The following ARL6 variants were observed in gnomAD, a reference collection of about 807,000 sequenced individuals.
ARL6 encodes ARF like GTPase 6.
ARL6 carries 18 observed loss-of-function variants against 27.1 expected under a neutral mutation model. The ratio of observed to expected loss-of-function variants is 0.66; its 90% CI spans 0.46 to 0.98. The LOEUF is 0.98. Ranked by LOEUF, ARL6 falls within the 50% of genes least tolerant of loss-of-function variation. ARL6 has a pLI of 0.00. For missense variants in ARL6, 187 were observed against 214.9 expected (o/e 0.87, Z 0.81); for synonymous variants, 65 against 72.3 (o/e 0.90, Z 0.51).
chr3:97,791,370 AACAAAGGC>A (rs2108082502), intron 6 of ARL6: 1 of 162,298 alleles, frequency 6.2e-6, no homozygotes, highest in East Asian at 1.8e-4. Flanking sequence ...TTCCATTTCA[AACAAAGGC>A]ACACCATAAT....
Position 97,780,199 on chromosome 3 carries a change from T to G in ARL6, c.164T>G (p.Ile55Arg). 1 of 1,612,986 alleles carries G rather than the reference T, an allele frequency of 6.2e-7. No individual in the cohort carries two copies. Among genetic ancestry groups the G allele is most frequent in the Non-Finnish European group, 8.5e-7 (1 of 1,179,354 alleles). ...ATCCTTCCAACAATAGGATTCAGCA[T>G]AGAGAAATTCAAATCATCCAGGTAA... ...QNILPTIGFS[I>R]EKFKSSSLSF... Residue 55 changes from isoleucine (I) to arginine (R), a missense_variant, in exon 3 of 8, where the codon ATA becomes AGA. Coordinates refer to ENST00000463745, the MANE Select transcript of ARL6 (RefSeq NM_001278293.3).
chr3:97,775,861 A>G (rs78918290), intron 2 of ARL6, among the ~76,000 whole-genome samples: 5,866 of 152,200 alleles, frequency 0.039, 205 homozygotes, highest in African/African-American at 0.095. Flanking sequence ...AACATGATCT[A>G]TTTTAGAGAA....
At chr3:97,765,436 A>G (rs2036335440) in intron 1 of ARL6, among the ~76,000 whole-genome samples, 1 of 152,178 alleles carries the variant, frequency 6.6e-6, no homozygotes, top group South Asian at 2.1e-4. Flanking sequence ...TTAACTGTGG[A>G]TAACATCCTA....
chr3:97,792,498 G>T (rs570149535), intron 7 of ARL6, among the ~76,000 whole-genome samples: 5 of 152,108 alleles, frequency 3.3e-5, no homozygotes, highest in South Asian at 2.1e-4. Context: ...AAAAGAAGAA[G>T]AATCATGCTA....
In ARL6 at chr3:97,798,342, C is replaced by T; in HGVS notation, c.*293C>T. Reference sequence around the variant, plus strand: ...AAAGTCAGTTATAAGCCATCTCATCCCATCATAATTTATGATATGTTTAAT... The same window carrying T: ...AAAGTCAGTTATAAGCCATCTCATCTCATCATAATTTATGATATGTTTAAT... On this transcript the variant is annotated 3_prime_UTR_variant, in exon 8 of 8. Transcript: ENST00000463745. The T allele has an allele frequency of 3.8e-6, 1 of 266,192 alleles. No individual in the cohort carries two copies. The highest frequency in any genetic ancestry group is 4.9e-5 in the Admixed American group (1 of 20,308). The allele number at this position is 266,192 out of a possible 1,614,324, so 16.5% of individuals were successfully genotyped here.
At chr3:97,783,700 G>T (rs75941043) in intron 4 of ARL6, among the ~76,000 whole-genome samples, 3 of 151,540 alleles carry the variant, frequency 2.0e-5, no homozygotes, top group African/African-American at 7.3e-5. Context: ...TATATAAAAA[G>T]TTTTATTTTG....
intron 7 of ARL6, among the ~76,000 whole-genome samples, chr3:97,797,116 TAAGG>T (rs1189346092): frequency 1.3e-5 from 2 of 152,096 alleles, no homozygotes; most frequent in African/African-American, 4.8e-5. Flanking sequence ...CCTAGAATGA[TAAGG>T]AAGATATTGT....
In ARL6 at chr3:97,799,550, A is replaced by G. The variant is rs1478427960; in HGVS notation, c.*1501A>G. On this transcript the variant is annotated 3_prime_UTR_variant, in exon 8 of 8. Transcript: ENST00000463745. Reference sequence around the variant, plus strand: ...TAATTTTTTAAAAAACTGATATGCTACAACTATTTTAGGATGGAGAAAGAA... The same window carrying G: ...TAATTTTTTAAAAAACTGATATGCTGCAACTATTTTAGGATGGAGAAAGAA... The G allele has an allele frequency of 2.0e-5, 3 of 152,126 alleles. No individual in the cohort carries two copies. Among genetic ancestry groups the G allele is most frequent in the Non-Finnish European group, 4.4e-5 (3 of 67,952 alleles). The allele number at this position is 152,126 out of a possible 1,614,324, so 9.4% of individuals were successfully genotyped here.
rs2038220297 is a variant in ARL6 at position 97,800,726 on chromosome 3, A to G, written c.*2677A>G. 6.6e-6 allele frequency: 1 copy of G among 152,138 alleles called. No homozygotes were observed. The highest frequency in any genetic ancestry group is 2.4e-5 in the African/African-American group (1 of 41,432). 9.4% of individuals were successfully genotyped at this position (152,138 alleles called of 1,614,324 possible). Reference sequence around the variant, plus strand: ...AGGTTGCTATAACAAAGTACCATAGACTGGGTGGCTTATAAACGACAGAAA... The same window carrying G: ...AGGTTGCTATAACAAAGTACCATAGGCTGGGTGGCTTATAAACGACAGAAA... On this transcript the variant is annotated 3_prime_UTR_variant, in exon 8 of 8. Transcript: ENST00000463745.
chr3:97,785,773 C>G (rs974502155), intron 5 of ARL6, among the ~76,000 whole-genome samples: 4 of 152,162 alleles, frequency 2.6e-5, no homozygotes, highest in African/African-American at 9.7e-5. Flanking sequence ...CCACTACAAA[C>G]AGTGCTCCAG....
chr3:97,794,878 G>A (rs1412218512), intron 7 of ARL6, among the ~76,000 whole-genome samples: 1 of 152,058 alleles, frequency 6.6e-6, no homozygotes, highest in African/African-American at 2.4e-5. Flanking sequence ...TTGAGGACAG[G>A]AGTTCGATAC....
At chr3:97,796,272 A>G (rs1003755209) in intron 7 of ARL6, among the ~76,000 whole-genome samples, 3 of 152,190 alleles carry the variant, frequency 2.0e-5, no homozygotes, top group Admixed American at 6.5e-5. Flanking sequence ...AGTATCCTCA[A>G]AGAGATAAGA....
At chr3:97,794,129 T>C (rs779109987) in intron 7 of ARL6, among the ~76,000 whole-genome samples, 1 of 152,030 alleles carries the variant, frequency 6.6e-6, no homozygotes, top group Non-Finnish European at 1.5e-5. Context: ...TAAAAAAGTG[T>C]ATCATTTGGT....
intron 2 of ARL6, among the ~76,000 whole-genome samples, chr3:97,776,698 C>T (rs1282395702): frequency 1.3e-5 from 2 of 151,836 alleles, no homozygotes; most frequent in Non-Finnish European, 2.9e-5. Context: ...GCTCTGTCAC[C>T]CAGGCTGGAG....
At chr3:97,796,561 A>T (rs574535966) in intron 7 of ARL6, among the ~76,000 whole-genome samples, 1 of 152,258 alleles carries the variant, frequency 6.6e-6, no homozygotes, top group African/African-American at 2.4e-5. Flanking sequence ...AAATCCTCGA[A>T]CAGTATTTTC....
chr3:97,800,759 C>G lies in ARL6; in HGVS notation c.*2710C>G, dbSNP rs2038222442. The G allele has an allele frequency of 6.6e-6, 1 of 152,074 alleles. No individual in the cohort carries two copies. Among genetic ancestry groups the G allele is most frequent in the Non-Finnish European group, 1.5e-5 (1 of 68,010 alleles). 9.4% of individuals were successfully genotyped at this position (152,074 alleles called of 1,614,324 possible). A position where few individuals can be genotyped will look rare whatever the true frequency, so the allele number is the denominator to read the frequency against. ...GCTTATAAACGACAGAAATTTATTT[C>G]TTACAGCTCTGGAGCTGGAAGTCTG... On this transcript the variant is annotated 3_prime_UTR_variant, in exon 8 of 8. Transcript: ENST00000463745.
At chr3:97,778,217 GAA>G (rs974413204) in intron 2 of ARL6, among the ~76,000 whole-genome samples, 1 of 152,098 alleles carries the variant, frequency 6.6e-6, no homozygotes, top group Non-Finnish European at 1.5e-5. Flanking sequence ...TGAAATGAAG[GAA>G]ACCCAAGGTA....
In ARL6 at chr3:97,800,371, G is replaced by A. The variant is rs939925289; in HGVS notation, c.*2322G>A. The stretch of plus-strand genomic sequence containing the variant: ...TAAAATGTATTTTATTAAACCTGAA[G>A]CAAGTTTTCTTTCATGTCTAGACAT... On this transcript the variant is annotated 3_prime_UTR_variant, in exon 8 of 8. Coordinates refer to ENST00000463745, the MANE Select transcript of ARL6 (RefSeq NM_001278293.3). 3.9e-5 allele frequency: 6 copies of A among 152,016 alleles called. No homozygotes were observed. The highest frequency in any genetic ancestry group is 1.5e-4 in the African/African-American group (6 of 41,364). The allele number at this position is 152,016 out of a possible 1,614,324, so 9.4% of individuals were successfully genotyped here. A position where few individuals can be genotyped will look rare whatever the true frequency, so the allele number is the denominator to read the frequency against.
intron 1 of ARL6, among the ~76,000 whole-genome samples, chr3:97,765,815 G>A (rs891950582): frequency 6.6e-6 from 1 of 152,168 alleles, no homozygotes; most frequent in Non-Finnish European, 1.5e-5. Flanking sequence ...TGTGTCTCTC[G>A]CTGCACACTT....
Sources: gnomAD v4.1 joint callset for allele counts (sites outside exome capture counted in the v4.1 genomes callset) on GRCh38, gnomAD v4.1.1 for gene constraint, MANE v1.5 for transcripts, NCBI Gene and HGNC (gene_info 2026-07-23, HGNC 2026-07-21) for gene names.